NAALADL2: variants seen among roughly 807,000 people sequenced by gnomAD.
The protein encoded by NAALADL2 is inactive N-acetylated-alpha-linked acidic dipeptidase-like protein 2.
NAALADL2 carries 76 observed loss-of-function variants against 87.2 expected under a neutral mutation model. The observed-to-expected ratio is 0.87, with a 90% CI of 0.72 to 1.05. NAALADL2 has a LOEUF of 1.05. NAALADL2 is among the 50% of genes least tolerant of loss of function. NAALADL2 has a pLI of 0.00. For missense variants in NAALADL2, 1,089 were observed against 945.8 expected, an observed-to-expected ratio of 1.15 and a Z score of -1.99; for synonymous variants, 354 against 331.0, an observed-to-expected ratio of 1.07 and a Z score of -0.75.
intron 1 of NAALADL2, among the ~76,000 whole-genome samples, chr3:175,044,582 T>C (rs1012002601): frequency 6.6e-6 from 1 of 152,152 alleles, no homozygotes; most frequent in Non-Finnish European, 1.5e-5. Context: ...TTCATACATA[T>C]AATCTTCTGT....
chr3:175,762,224 T>C (rs1405392308), intron 13 of NAALADL2, among the ~76,000 whole-genome samples: 1 of 143,494 alleles, frequency 7.0e-6, no homozygotes, highest in Non-Finnish European at 1.5e-5. Flanking sequence ...AGATGTCCAG[T>C]TGTTCCAGCA....
At chr3:174,473,022 T>C (rs1717002551) in intron 1 of NAALADL2, among the ~76,000 whole-genome samples, 1 of 152,206 alleles carries the variant, frequency 6.6e-6, no homozygotes, top group African/African-American at 2.4e-5. Context: ...TGATGTGGTA[T>C]AGTAAAGAGG....
intron 3 of NAALADL2, among the ~76,000 whole-genome samples, chr3:174,846,909 AT>A (rs1724685026): frequency 6.6e-6 from 1 of 152,174 alleles, no homozygotes; most frequent in Non-Finnish European, 1.5e-5. Context: ...GAAAGACTGT[AT>A]TTAGGGAATT....
rs145763028 is a variant in NAALADL2, at chr3:175,034,747, C to A, written c.44-62043C>A. 5.1e-3 allele frequency among the ~76,000 whole-genome samples: 779 copies of A among 152,176 alleles called. 21 individuals carry two copies. Among genetic ancestry groups the A allele is most frequent in the East Asian group, 5.0e-3 (26 of 5,178 alleles). On this transcript the variant is annotated intron_variant, in intron 1 of 13. Coordinates refer to ENST00000454872, the MANE Select transcript of NAALADL2 (RefSeq NM_207015.3). ...GGGCAAGTTTTTAAAACTTTCCGTG[C>A]CTGAGTTACTCATCTATCAAACAGG...
chr3:175,410,506 A>G (rs1269638407), intron 5 of NAALADL2, among the ~76,000 whole-genome samples: 1 of 152,156 alleles, frequency 6.6e-6, no homozygotes, highest in Admixed American at 6.6e-5. Flanking sequence ...ATGTTTATGG[A>G]GGACTTACTC....
intron 1 of NAALADL2, among the ~76,000 whole-genome samples, chr3:174,989,607 T>G (rs1185512545): frequency 6.6e-6 from 1 of 152,156 alleles, no homozygotes; most frequent in Non-Finnish European, 1.5e-5. Flanking sequence ...TTAAAAATAT[T>G]AAACTGCTAG....
At chr3:174,467,179 A>G (rs760141528) in intron 1 of NAALADL2, among the ~76,000 whole-genome samples, 6 of 152,212 alleles carry the variant, frequency 3.9e-5, no homozygotes, top group Non-Finnish European at 7.4e-5. Flanking sequence ...ATTAATAGTT[A>G]TGAAAATTAC....
intron 2 of NAALADL2, among the ~76,000 whole-genome samples, chr3:175,123,694 A>G (rs191069309): frequency 7.2e-5 from 11 of 151,974 alleles, no homozygotes; most frequent in African/African-American, 2.7e-4. Flanking sequence ...TCTAGTGAAT[A>G]CATATTAATC....
At chr3:175,710,859 G>A (rs1427130825) in intron 11 of NAALADL2, among the ~76,000 whole-genome samples, 1 of 151,810 alleles carries the variant, frequency 6.6e-6, no homozygotes, top group African/African-American at 2.4e-5. Context: ...TCTAAAAACA[G>A]ATTTAATCTA....
intron 1 of NAALADL2, among the ~76,000 whole-genome samples, chr3:174,474,359 C>T (rs1442412000): frequency 6.6e-6 from 1 of 152,012 alleles, no homozygotes; most frequent in African/African-American, 2.4e-5. Context: ...TTTAGGGTCT[C>T]CAATTTTCAT....
At chr3:175,221,216 AG>A (rs71164623) in intron 2 of NAALADL2, among the ~76,000 whole-genome samples, 19,498 of 149,928 alleles carry the variant, frequency 0.13, 1,519 homozygotes, top group East Asian at 0.29. Context: ...AAAAAAAAAA[AG>A]ATTTTTTAGT....
intron 5 of NAALADL2, among the ~76,000 whole-genome samples, chr3:175,359,473 C>G (rs867272824): frequency 1.3e-5 from 2 of 152,044 alleles, no homozygotes; most frequent in African/African-American, 4.8e-5. Context: ...AACTAAAATT[C>G]ATTTCTGCCT....
At chr3:175,510,095 C>T (rs553713080) in intron 9 of NAALADL2, among the ~76,000 whole-genome samples, 97 of 149,492 alleles carry the variant, frequency 6.5e-4, no homozygotes, top group Non-Finnish European at 1.0e-3. Context: ...TGAGAATATG[C>T]GGTGTTTGGT....
At chr3:174,592,385 A>G (rs1717462222) in intron 2 of NAALADL2, among the ~76,000 whole-genome samples, 1 of 152,124 alleles carries the variant, frequency 6.6e-6, no homozygotes, top group South Asian at 2.1e-4. Flanking sequence ...ATCATTTAGC[A>G]TTAGGTATAT....
intron 2 of NAALADL2, among the ~76,000 whole-genome samples, chr3:174,586,815 G>A (rs1345054434): frequency 6.6e-6 from 1 of 151,938 alleles, no homozygotes; most frequent in Non-Finnish European, 1.5e-5. Flanking sequence ...TATATAAAAA[G>A]GTATGCAACT....
intron 5 of NAALADL2, among the ~76,000 whole-genome samples, chr3:175,348,530 T>C (rs1341447858): frequency 6.6e-6 from 1 of 152,142 alleles, no homozygotes; most frequent in Non-Finnish European, 1.5e-5. Flanking sequence ...GGCAGGGCCA[T>C]GTTCCCCCTG....
At chr3:174,468,518 C>A (rs888021449) in intron 1 of NAALADL2, among the ~76,000 whole-genome samples, 6 of 150,824 alleles carry the variant, frequency 4.0e-5, no homozygotes, top group Admixed American at 3.3e-4. Flanking sequence ...GTAGCTGGGA[C>A]TACGGGCACC....
intron 1 of NAALADL2, among the ~76,000 whole-genome samples, chr3:174,516,345 A>G (rs1328847897): frequency 2.0e-5 from 3 of 152,084 alleles, no homozygotes; most frequent in Non-Finnish European, 4.4e-5. Flanking sequence ...AGGAAATACT[A>G]TCTACTTAAT....
intron 1 of NAALADL2, among the ~76,000 whole-genome samples, chr3:175,090,478 G>T (rs565945280): frequency 5.3e-5 from 8 of 151,966 alleles, no homozygotes; most frequent in African/African-American, 7.2e-5. Flanking sequence ...GGCCCCAAAG[G>T]TTGGCCTACT....
Sources: gnomAD v4.1 joint callset for allele counts (sites outside exome capture counted in the v4.1 genomes callset) on GRCh38, gnomAD v4.1.1 for gene constraint, MANE v1.5 for transcripts, NCBI Gene and HGNC (gene_info 2026-07-23, HGNC 2026-07-21) for gene names.